The following NOL4L variants were observed in gnomAD, a reference collection of about 807,000 sequenced individuals.
NOL4L encodes nucleolar protein 4 like.
Under a neutral mutation model 64.5 loss-of-function variants are expected in NOL4L, and 7 were observed. The ratio of observed to expected loss-of-function variants is 0.11; its 90% CI spans 0.06 to 0.20. NOL4L has a LOEUF of 0.20. NOL4L is among the 10% of genes least tolerant of loss of function. The pLI is 1.00. For synonymous variants in NOL4L, 413 were observed against 401.0 expected (o/e 1.03, Z -0.36); for missense variants, 680 against 967.1 (o/e 0.70, Z 3.94).
intron 4 of NOL4L, among the ~76,000 whole-genome samples, chr20:32,494,288 A>AACAC (rs1555797935): frequency 3.2e-5 from 4 of 126,008 alleles, no homozygotes; most frequent in South Asian, 2.6e-4. Flanking sequence ...AAAAACACAC[A>AACAC]ACACACACAC....
intron 1 of NOL4L, among the ~76,000 whole-genome samples, chr20:32,552,732 G>A (rs1166171018): frequency 1.3e-5 from 2 of 152,120 alleles, no homozygotes; most frequent in Admixed American, 6.5e-5. Flanking sequence ...GCTGGGCACA[G>A]TGGCTCACGC....
chr20:32,551,694 G>A (rs1487207923), intron 1 of NOL4L, among the ~76,000 whole-genome samples: 1 of 152,074 alleles, frequency 6.6e-6, no homozygotes, highest in African/African-American at 2.4e-5. Context: ...TGAGGGGTAT[G>A]GGGGGTTTCT....
At chr20:32,486,724 C>T (rs1163448347) in intron 4 of NOL4L, 1 of 471,232 alleles carries the variant, frequency 2.1e-6, no homozygotes, top group Admixed American at 2.3e-5. Flanking sequence ...GCAGACACTT[C>T]CCAATCAAGT....
intron 4 of NOL4L, among the ~76,000 whole-genome samples, chr20:32,505,909 T>C (rs1231450648): frequency 4.6e-5 from 7 of 152,066 alleles, no homozygotes; most frequent in African/African-American, 1.7e-4. Context: ...AATTATTGCT[T>C]AATGGGTACA....
intron 4 of NOL4L, among the ~76,000 whole-genome samples, chr20:32,497,386 T>G (rs979791464): frequency 6.6e-6 from 1 of 152,192 alleles, no homozygotes; most frequent in Non-Finnish European, 1.5e-5. Flanking sequence ...AACCACTAAA[T>G]GCTCAGCTGC....
chr20:32,499,544 G>A (rs1276245387), intron 4 of NOL4L, among the ~76,000 whole-genome samples: 6 of 151,994 alleles, frequency 3.9e-5, no homozygotes, highest in Admixed American at 3.9e-4. Context: ...TTTCAGACCA[G>A]CTTGGCCAAC....
intron 5 of NOL4L, among the ~76,000 whole-genome samples, chr20:32,468,874 C>A (rs2014770912): frequency 7.1e-6 from 1 of 139,912 alleles, no homozygotes; most frequent in Non-Finnish European, 1.5e-5. Flanking sequence ...GCACTCCAGC[C>A]TGGGCAACAG....
At chr20:32,555,318 T>C (rs1280050620) in intron 1 of NOL4L, among the ~76,000 whole-genome samples, 1 of 152,138 alleles carries the variant, frequency 6.6e-6, no homozygotes, top group Admixed American at 6.5e-5. Flanking sequence ...TAAAAATTTT[T>C]AAATTTCTTC....
At chr20:32,528,213 G>C (rs1322645564) in intron 1 of NOL4L, among the ~76,000 whole-genome samples, 3 of 152,240 alleles carry the variant, frequency 2.0e-5, no homozygotes, top group Non-Finnish European at 4.4e-5. Flanking sequence ...CTCGGGCGGG[G>C]AGCTCTTGAA....
At chr20:32,550,630 C>G (rs2018787887) in intron 1 of NOL4L, among the ~76,000 whole-genome samples, 1 of 152,118 alleles carries the variant, frequency 6.6e-6, no homozygotes, top group Non-Finnish European at 1.5e-5. Context: ...GCCTATAATC[C>G]CAACACTTTG....
At position 32,444,329 on chromosome 20, in the gene NOL4L, A is replaced by G. The variant is rs1600603310; in HGVS notation, c.*3267T>C. On this transcript the variant is annotated 3_prime_UTR_variant, in exon 11 of 11. Coordinates refer to ENST00000621426, the MANE Select transcript of NOL4L (RefSeq NM_001256798.2). ...TGGTATTCTGGTGAAATACTTTACT[A>G]TTTTGTAAAAAGTTTTACAAAAAAT... 1 of 152,332 alleles carries G rather than the reference A, an allele frequency of 6.6e-6. No individual in the cohort carries two copies. The highest frequency in any genetic ancestry group is 1.9e-4 in the East Asian group (1 of 5,190). The allele number at this position is 152,332 out of a possible 1,614,324, so 9.4% of individuals were successfully genotyped here. A position where few individuals can be genotyped will look rare whatever the true frequency, so the allele number is the denominator to read the frequency against.
intron 1 of NOL4L, among the ~76,000 whole-genome samples, chr20:32,562,429 T>C (rs1979086374): frequency 6.6e-6 from 1 of 152,178 alleles, no homozygotes; most frequent in Non-Finnish European, 1.5e-5. Flanking sequence ...TAGAGGCCTG[T>C]GTGCTATGGC....
At chr20:32,555,744 T>C (rs1223950855) in intron 1 of NOL4L, among the ~76,000 whole-genome samples, 1 of 152,088 alleles carries the variant, frequency 6.6e-6, no homozygotes, top group Non-Finnish European at 1.5e-5. Context: ...GAGAAGTGAC[T>C]GTCCACAAGC....
intron 5 of NOL4L, among the ~76,000 whole-genome samples, chr20:32,467,150 C>T (rs2014624196): frequency 6.6e-6 from 1 of 152,210 alleles, no homozygotes. Flanking sequence ...GTGCTGGGGA[C>T]ACCCCATGGC....
chr20:32,520,643 G>A (rs1005765851), intron 3 of NOL4L, among the ~76,000 whole-genome samples, 168 bp downstream of exon 3: 4 of 152,190 alleles, frequency 2.6e-5, no homozygotes, highest in Non-Finnish European at 5.9e-5. Flanking sequence ...AAAGTTAAAC[G>A]AAACAAAACA....
At chr20:32,483,603 G>A in intron 4 of NOL4L, 1 of 672,084 alleles carries the variant, frequency 1.5e-6, no homozygotes, top group African/African-American at 2.6e-5. Flanking sequence ...GGAAGGGGGA[G>A]GGGGCACCGG....
intron 4 of NOL4L, among the ~76,000 whole-genome samples, chr20:32,496,795 C>T (rs183729167): frequency 9.6e-4 from 146 of 152,098 alleles, no homozygotes; most frequent in African/African-American, 3.2e-3. Flanking sequence ...GTGATCCACC[C>T]GCCTCAGCCT....
chr20:32,534,185 G>A (rs1214409000), intron 1 of NOL4L, among the ~76,000 whole-genome samples: 2 of 152,216 alleles, frequency 1.3e-5, no homozygotes, highest in Non-Finnish European at 2.9e-5. Flanking sequence ...AAATAGCGGA[G>A]ACATTTCTCA....
Position 32,453,229 on chromosome 20 carries a change from C to G in NOL4L, c.1497+75G>C. On this transcript the variant is annotated intron_variant, in intron 8 of 10. Coordinates refer to ENST00000621426, the MANE Select transcript of NOL4L (RefSeq NM_001256798.2). The surrounding 1 kb of genome is among the most constrained non-coding windows in gnomAD (Gnocchi z 5.6). ...TGGGAAGACCCTGGGTGAAGGGGCC[C>G]GGGCATCCTGGGAGTGTGGCAGGAG... 1 of 1,545,018 alleles carries G rather than the reference C, an allele frequency of 6.5e-7. No individual in the cohort carries two copies.
Sources: gnomAD v4.1 joint callset for allele counts (sites outside exome capture counted in the v4.1 genomes callset) on GRCh38, gnomAD v4.1.1 for gene constraint, Gnocchi (gnomAD v3.1) non-coding constraint, MANE v1.5 for transcripts, NCBI Gene and HGNC (gene_info 2026-07-23, HGNC 2026-07-21) for gene names.